The following BNC2 variants were observed in gnomAD, a reference collection of about 807,000 sequenced individuals.
BNC2 encodes basonuclin zinc finger protein 2.
In BNC2, 20 loss-of-function variants were observed where a neutral mutation model predicts 76.3. That is an observed-to-expected ratio of 0.26 (90% CI 0.18 to 0.38). The LOEUF is 0.38. Among genes scored for constraint, BNC2 ranks in the 10% least tolerant of loss-of-function variants. The probability of loss-of-function intolerance (pLI) is 1.00; values close to 1 mark genes in which losing one functional copy is unlikely to be tolerated. For missense variants in BNC2, 1,382 were observed against 1,399.8 expected, an observed-to-expected ratio of 0.99 and a Z score of 0.20; for synonymous variants, 582 against 514.8, an observed-to-expected ratio of 1.13 and a Z score of -1.77.
intron 5 of BNC2, among the ~76,000 whole-genome samples, chr9:16,552,224 T>C (rs921144748): frequency 2.6e-5 from 4 of 152,276 alleles, no homozygotes; most frequent in East Asian, 1.9e-4. Context: ...TCCTTTTTAA[T>C]AGGGTTATAA....
intron 1 of BNC2, among the ~76,000 whole-genome samples, chr9:16,752,420 T>C (rs1825246135): frequency 5.3e-5 from 2 of 37,880 alleles, no homozygotes; most frequent in African/African-American, 1.1e-4. Flanking sequence ...ATCAATGAAG[T>C]CAATGTGTTT....
intron 3 of BNC2, among the ~76,000 whole-genome samples, chr9:16,641,281 A>G (rs1821485487): frequency 6.6e-6 from 1 of 152,208 alleles, no homozygotes; most frequent in Admixed American, 6.5e-5. Context: ...AAAGTCAGTG[A>G]GAAGATTAAA....
intron 4 of BNC2, among the ~76,000 whole-genome samples, chr9:16,569,844 G>C (rs541143537): frequency 3.3e-5 from 5 of 152,136 alleles, no homozygotes; most frequent in Non-Finnish European, 7.4e-5. Context: ...TATTATTATT[G>C]CCACTGCTGT....
chr9:16,514,243 G>C (rs1822826905), intron 5 of BNC2, among the ~76,000 whole-genome samples: 1 of 152,328 alleles, frequency 6.6e-6, no homozygotes, highest in South Asian at 2.1e-4. Flanking sequence ...CATGCAGCCT[G>C]AGAGTTACTA....
chr9:16,849,948 C>G (rs1819087788), intron 1 of BNC2, among the ~76,000 whole-genome samples: 1 of 152,056 alleles, frequency 6.6e-6, no homozygotes, highest in Non-Finnish European at 1.5e-5. Flanking sequence ...GTTATGTGCA[C>G]AAATTTGTAC....
intron 4 of BNC2, among the ~76,000 whole-genome samples, chr9:16,574,707 T>C (rs1052265892): frequency 1.3e-5 from 2 of 152,154 alleles, no homozygotes; most frequent in African/African-American, 2.4e-5. Context: ...ATCATTAATA[T>C]TGATGTTTAA....
At chr9:16,853,042 A>G (rs1819164434) in intron 1 of BNC2, among the ~76,000 whole-genome samples, 1 of 152,202 alleles carries the variant, frequency 6.6e-6, no homozygotes, top group South Asian at 2.1e-4. Flanking sequence ...TGAGATAAGA[A>G]GTGATCAACC....
At chr9:16,753,160 T>C (rs564386538) in intron 1 of BNC2, among the ~76,000 whole-genome samples, 2 of 152,172 alleles carry the variant, frequency 1.3e-5, no homozygotes, top group East Asian at 1.9e-4. Context: ...ACAATGGCTG[T>C]TAAGGTAAAG....
At chr9:16,838,137 G>A (rs1818749666) in intron 1 of BNC2, among the ~76,000 whole-genome samples, 1 of 152,144 alleles carries the variant, frequency 6.6e-6, no homozygotes, top group Non-Finnish European at 1.5e-5. Context: ...CATACATAAT[G>A]CGATATTTAC....
chr9:16,648,638 A>C (rs945403596), intron 3 of BNC2, among the ~76,000 whole-genome samples: 82 of 152,336 alleles, frequency 5.4e-4, no homozygotes, highest in African/African-American at 1.8e-3. Flanking sequence ...AGGCGAACTA[A>C]GGGGTGGTTA....
intron 5 of BNC2, among the ~76,000 whole-genome samples, chr9:16,540,956 G>A (rs973821355): frequency 6.6e-6 from 1 of 152,162 alleles, no homozygotes; most frequent in African/African-American, 2.4e-5. Context: ...CTCGCCCTAT[G>A]GCCATGGATT....
At chr9:16,653,867 T>G (rs1821856646) in intron 3 of BNC2, among the ~76,000 whole-genome samples, 1 of 152,180 alleles carries the variant, frequency 6.6e-6, no homozygotes, top group South Asian at 2.1e-4. Flanking sequence ...CAGAACCTCT[T>G]GTCTGATCTG....
intron 5 of BNC2, among the ~76,000 whole-genome samples, chr9:16,537,943 T>C (rs1362578991): frequency 1.3e-5 from 2 of 152,238 alleles, no homozygotes; most frequent in Non-Finnish European, 2.9e-5. Context: ...AGGTCCCAGA[T>C]ACTTTTCCAT....
chr9:16,826,822 A>G (rs1423781829), intron 1 of BNC2, among the ~76,000 whole-genome samples: 1 of 152,188 alleles, frequency 6.6e-6, no homozygotes, highest in African/African-American at 2.4e-5. Flanking sequence ...ATGGATGGAT[A>G]GATGGATGGA....
chr9:16,449,411 C>T (rs1821293489), intron 5 of BNC2, among the ~76,000 whole-genome samples: 1 of 152,128 alleles, frequency 6.6e-6, no homozygotes, highest in Admixed American at 6.6e-5. Flanking sequence ...CATTATGCAT[C>T]CTGGAGCCTT....
chr9:16,741,227 G>A (rs1824840530), intron 1 of BNC2, among the ~76,000 whole-genome samples: 1 of 152,158 alleles, frequency 6.6e-6, no homozygotes, highest in South Asian at 2.1e-4. Context: ...GCCGAGGTGG[G>A]CGGATCACCT....
rs181770592 is a variant in BNC2, at chr9:16,814,347, G to C, written c.3+56299C>G. On this transcript the variant is annotated intron_variant, in intron 1 of 6. Transcript: ENST00000380672. ...CACTCAATATGTCTTTATTGGCATA[G>C]ATATATAGATATGTTTAGCTTTATA... Among the ~76,000 whole-genome samples, 8 of 152,258 alleles carry C rather than the reference G, an allele frequency of 5.3e-5. No homozygotes were observed. In the South Asian group the frequency reaches 6.2e-4, roughly 12 times the overall value.
At chr9:16,772,693 G>A (rs564445742) in intron 1 of BNC2, among the ~76,000 whole-genome samples, 7 of 151,990 alleles carry the variant, frequency 4.6e-5, no homozygotes, top group African/African-American at 7.2e-5. Context: ...CTGGTTCAAC[G>A]TCTTCAAGCC....
intron 5 of BNC2, among the ~76,000 whole-genome samples, chr9:16,461,454 A>G (rs1350571459): frequency 2.6e-5 from 4 of 152,222 alleles, no homozygotes; most frequent in Non-Finnish European, 4.4e-5. Flanking sequence ...AAATGAAGCA[A>G]TTGCATAGGT....
Sources: allele counts gnomAD v4.1 joint callset (sites outside exome capture counted in the v4.1 genomes callset), GRCh38; gene constraint gnomAD v4.1.1; transcripts MANE v1.5; gene names NCBI Gene and HGNC (gene_info 2026-07-23, HGNC 2026-07-21).